The following HUNK variants were observed in gnomAD, a reference collection of about 807,000 sequenced individuals.
HUNK encodes the protein hormonally up-regulated neu tumor-associated kinase.
In HUNK, 21 loss-of-function variants were observed where a neutral mutation model predicts 61.0. The ratio of observed to expected loss-of-function variants is 0.34; its 90% CI spans 0.24 to 0.50. The LOEUF is 0.50. Among genes scored for constraint, HUNK ranks in the 20% least tolerant of loss-of-function variants. The pLI, the probability that HUNK is intolerant of heterozygous loss-of-function variation, is 0.98. For missense variants in HUNK, 772 were observed against 945.7 expected (o/e 0.82, Z 2.41); for synonymous variants, 371 against 386.1 (o/e 0.96, Z 0.46).
intron 5 of HUNK, among the ~76,000 whole-genome samples, chr21:31,966,953 A>G (rs113571643): frequency 6.6e-6 from 1 of 152,290 alleles, no homozygotes; most frequent in African/African-American, 2.4e-5. Context: ...CCCACAACTC[A>G]AGCAAGACAG....
chr21:31,941,685 G>C (rs13047865), intron 3 of HUNK, among the ~76,000 whole-genome samples: 1 of 152,094 alleles, frequency 6.6e-6, no homozygotes. Context: ...GGAAAACAAG[G>C]CACTCGTGTT....
At chr21:31,919,123 A>T (rs12626412) in intron 1 of HUNK, among the ~76,000 whole-genome samples, 199 of 93,802 alleles carry the variant, frequency 2.1e-3, no homozygotes, top group African/African-American at 9.6e-3. Flanking sequence ...CGGTATGAGG[A>T]TGAGGGGCTG....
chr21:31,940,226 ACT>A lies in HUNK; in HGVS notation c.610+7_610+8del, dbSNP rs1491329675. 19 of 1,529,202 alleles carry A rather than the reference ACT, an allele frequency of 1.2e-5. No homozygotes were observed. The highest frequency in any genetic ancestry group is 1.4e-5 in the Non-Finnish European group (16 of 1,129,078). 94.7% of individuals were successfully genotyped at this position (1,529,202 alleles called of 1,614,324 possible). A position where few individuals can be genotyped will look rare whatever the true frequency, so the allele number is the denominator to read the frequency against. On this transcript the variant is annotated splice_region_variant and intron_variant, in intron 3 of 10. Coordinates refer to ENST00000270112, the MANE Select transcript of HUNK (RefSeq NM_014586.2). ...CAATAATATCAAGCTGATTGGTATG[ACT>A]TTTTTTTTTTTTTAAGCAAAAGTAT...
rs966597632 is a variant in HUNK at position 31,996,022 on chromosome 21, A to T, written c.1486+74A>T. Reference sequence around the variant, plus strand: ...GTCCGCTGTGTAGCCCTCACAGGGGATGGTCGAATGGGCCCTAGAGCAGAG... The same window carrying T: ...GTCCGCTGTGTAGCCCTCACAGGGGTTGGTCGAATGGGCCCTAGAGCAGAG... On this transcript the variant is annotated intron_variant, in intron 10 of 10. Coordinates refer to ENST00000270112, the MANE Select transcript of HUNK (RefSeq NM_014586.2). 6 of 1,083,852 alleles carry T rather than the reference A, an allele frequency of 5.5e-6. No homozygotes were observed. In the Admixed American group the frequency reaches 1.5e-4, roughly 27 times the overall value. The allele number at this position is 1,083,852 out of a possible 1,614,324, so 67.1% of individuals were successfully genotyped here.
chr21:31,959,006 C>G (rs1373732914), intron 5 of HUNK, 36 bp downstream of exon 5: 2 of 1,547,548 alleles, frequency 1.3e-6, no homozygotes, highest in East Asian at 2.3e-5. Context: ...CGGTTCAGGA[C>G]TGCTGTCGTG....
At chr21:31,978,699 A>G (rs1372072546) in intron 7 of HUNK, among the ~76,000 whole-genome samples, 2 of 152,180 alleles carry the variant, frequency 1.3e-5, no homozygotes, top group East Asian at 3.9e-4. Context: ...CATTATATAT[A>G]GGTACCACAC....
intron 1 of HUNK, among the ~76,000 whole-genome samples, chr21:31,892,162 A>AATATATAT (rs1170452661): frequency 1.8e-5 from 2 of 114,048 alleles, no homozygotes; most frequent in African/African-American, 7.0e-5. Context: ...AAAAAAAAAA[A>AATATATAT]ATATATATAT....
At chr21:31,997,351 C>T (rs2053212927) in intron 10 of HUNK, among the ~76,000 whole-genome samples, 1 of 152,190 alleles carries the variant, frequency 6.6e-6, no homozygotes. Context: ...GATATTCTTC[C>T]CCCGTTCAGA....
intron 1 of HUNK, among the ~76,000 whole-genome samples, chr21:31,874,791 C>T (rs902175235): frequency 5.3e-5 from 8 of 152,114 alleles, no homozygotes; most frequent in African/African-American, 1.9e-4. Context: ...GAAAGGGGAC[C>T]TCCGCGAGAC....
At chr21:31,888,654 C>T (rs140096997) in intron 1 of HUNK, among the ~76,000 whole-genome samples, 7,050 of 152,124 alleles carry the variant, frequency 0.046, 260 homozygotes, top group Middle Eastern at 0.14. Flanking sequence ...GCAGGAGAAT[C>T]GCTTGAACCC....
At chr21:31,907,303 A>C (rs2052512821) in intron 1 of HUNK, among the ~76,000 whole-genome samples, 1 of 152,238 alleles carries the variant, frequency 6.6e-6, no homozygotes. Flanking sequence ...GAATTTCAAA[A>C]TATTGGTCAC....
In HUNK at chr21:31,998,672, A is replaced by G. The variant is rs745613155; in HGVS notation, c.1633A>G (p.Thr545Ala). Residue 545 changes from threonine to alanine, a missense_variant, in exon 11 of 11, where the codon ACT becomes GCT. Transcript: ENST00000270112. ...GCCCCATCAGCCAGGGCCCGGAAGC[A>G]CTGGCATCCCCCACAAGGAAGACCC... is the stretch of plus-strand genomic sequence containing the variant. ...PEPHQPGPGSTGIPHKEDPLM... is the reference protein window; with the variant it reads ...PEPHQPGPGSAGIPHKEDPLM... 1.2e-6 allele frequency: 2 copies of G among 1,614,086 alleles called. No homozygotes were observed. Among genetic ancestry groups the G allele is most frequent in the Non-Finnish European group, 8.5e-7 (1 of 1,180,016 alleles).
At chr21:31,956,704 T>C (rs750300757) in intron 4 of HUNK, among the ~76,000 whole-genome samples, 8 of 152,348 alleles carry the variant, frequency 5.3e-5, no homozygotes, top group Middle Eastern at 3.4e-3. Flanking sequence ...TGCCTTTCCC[T>C]TTCTGTTGCG....
At chr21:31,918,973 C>T (rs929483518) in intron 1 of HUNK, among the ~76,000 whole-genome samples, 10 of 140,480 alleles carry the variant, frequency 7.1e-5, no homozygotes, top group East Asian at 2.1e-4. Flanking sequence ...CTGGACTGAG[C>T]GGTATGAGGA....
At position 32,001,782 on chromosome 21, in the gene HUNK, A is replaced by C. The variant is rs550622056; in HGVS notation, c.*2598A>C. 1.3e-5 allele frequency: 2 copies of C among 152,698 alleles called. No homozygotes were observed. The highest frequency in any genetic ancestry group is 4.8e-5 in the African/African-American group (2 of 41,564). 9.5% of individuals were successfully genotyped at this position (152,698 alleles called of 1,614,324 possible). ...ACTCTCCCTTTGGTAAGTCCGAAGC[A>C]TGTTGTCTGTTCGACCGTGACTGTC... On this transcript the variant is annotated 3_prime_UTR_variant, in exon 11 of 11. Coordinates refer to ENST00000270112, the MANE Select transcript of HUNK (RefSeq NM_014586.2).
chr21:31,998,243 G>A (rs555305288), intron 10 of HUNK, among the ~76,000 whole-genome samples: 2 of 152,298 alleles, frequency 1.3e-5, no homozygotes, highest in African/African-American at 4.8e-5. Flanking sequence ...GCAACCAAAA[G>A]CAGGGACGAT....
intron 2 of HUNK, among the ~76,000 whole-genome samples, chr21:31,932,059 A>T (rs1371783639): frequency 1.3e-5 from 2 of 151,902 alleles, no homozygotes; most frequent in African/African-American, 4.8e-5. Context: ...GCATGCACAC[A>T]CCCACACACG....
chr21:31,909,453 T>C (rs909480616), intron 1 of HUNK, among the ~76,000 whole-genome samples: 1 of 152,220 alleles, frequency 6.6e-6, no homozygotes, highest in Admixed American at 6.5e-5. Flanking sequence ...CCATTGTTTT[T>C]TCCTTAGTCT....
chr21:31,991,350 C>T (rs1232630489), intron 9 of HUNK, among the ~76,000 whole-genome samples: 1 of 152,090 alleles, frequency 6.6e-6, no homozygotes, highest in Non-Finnish European at 1.5e-5. Context: ...TCTCAAGTAC[C>T]TGGGACTACA....
Sources: gnomAD v4.1 joint callset for allele counts (sites outside exome capture counted in the v4.1 genomes callset) on GRCh38, gnomAD v4.1.1 for gene constraint, MANE v1.5 for transcripts, NCBI Gene and HGNC (gene_info 2026-07-23, HGNC 2026-07-21) for gene names.